DAPK1: variants seen among roughly 807,000 people sequenced by gnomAD.
The protein encoded by DAPK1 is death-associated protein kinase 1.
Under a neutral mutation model 144.9 loss-of-function variants are expected in DAPK1, and 56 were observed. The ratio of observed to expected loss-of-function variants is 0.39; its 90% CI spans 0.31 to 0.48. The LOEUF (loss-of-function observed/expected upper bound fraction) is 0.48. DAPK1 is among the 20% of genes least tolerant of loss of function. DAPK1 has a pLI of 0.95. For missense variants in DAPK1, 1,454 were observed against 1,875.4 expected (o/e 0.78, Z 4.15); for synonymous variants, 690 against 749.0 (o/e 0.92, Z 1.29).
chr9:87,708,180 C>G lies in DAPK1; in HGVS notation c.*816C>G. On this transcript the variant is annotated 3_prime_UTR_variant, in exon 26 of 26. Coordinates refer to ENST00000408954, the MANE Select transcript of DAPK1 (RefSeq NM_004938.4). ...TGTCAATGTGAACGTCCACATGAAACCTACACACTGTCATGCTTCATCATT... is the reference window on the plus strand; with the variant it reads ...TGTCAATGTGAACGTCCACATGAAAGCTACACACTGTCATGCTTCATCATT... 4.1e-6 allele frequency: 1 copy of G among 241,526 alleles called. No individual in the cohort carries two copies. Among genetic ancestry groups the G allele is most frequent in the South Asian group, 5.4e-5 (1 of 18,390 alleles). The allele number at this position is 241,526 out of a possible 1,614,324, so 15.0% of individuals were successfully genotyped here. A position where few individuals can be genotyped will look rare whatever the true frequency, so the allele number is the denominator to read the frequency against.
chr9:87,570,946 G>A (rs554232252), intron 2 of DAPK1, among the ~76,000 whole-genome samples: 3 of 152,270 alleles, frequency 2.0e-5, no homozygotes, highest in Admixed American at 2.0e-4. Context: ...GAATAAGTAA[G>A]TAAACACCCC....
At chr9:87,612,762 C>G (rs1828972364) in intron 3 of DAPK1, among the ~76,000 whole-genome samples, 1 of 152,198 alleles carries the variant, frequency 6.6e-6, no homozygotes. Flanking sequence ...TCACTCCCTG[C>G]AGATAGCCTG....
chr9:87,608,514 G>A (rs1262848552), intron 3 of DAPK1, among the ~76,000 whole-genome samples: 3 of 152,162 alleles, frequency 2.0e-5, no homozygotes, highest in Non-Finnish European at 4.4e-5. Context: ...TTGCTGGATC[G>A]TGTAGTAAAT....
intron 2 of DAPK1, among the ~76,000 whole-genome samples, chr9:87,550,564 A>G (rs145802634): frequency 1.7e-4 from 26 of 152,362 alleles, no homozygotes; most frequent in African/African-American, 6.3e-4. Context: ...GGTCCTCCTA[A>G]GGACACCCAT....
At chr9:87,617,257 T>A (rs1391864389) in intron 3 of DAPK1, among the ~76,000 whole-genome samples, 1 of 152,366 alleles carries the variant, frequency 6.6e-6, no homozygotes, top group Non-Finnish European at 1.5e-5. Context: ...TTGTTTTTCC[T>A]ATTTTCCACT....
chr9:87,675,206 A>G (rs771900130), intron 19 of DAPK1, among the ~76,000 whole-genome samples: 1 of 152,024 alleles, frequency 6.6e-6, no homozygotes, highest in Non-Finnish European at 1.5e-5. Flanking sequence ...CCTCTACAGA[A>G]AGGGTTGCTG....
chr9:87,690,237 TCC>T (rs1217500827), intron 21 of DAPK1, among the ~76,000 whole-genome samples: 41 of 152,274 alleles, frequency 2.7e-4, no homozygotes, highest in African/African-American at 7.0e-4. Context: ...TTAAATTTAT[TCC>T]TGAGTATTTT....
At chr9:87,521,492 C>A (rs1262607364) in intron 2 of DAPK1, among the ~76,000 whole-genome samples, 1 of 152,174 alleles carries the variant, frequency 6.6e-6, no homozygotes, top group Non-Finnish European at 1.5e-5. Flanking sequence ...CCCATGAGGA[C>A]AAGGTCCAGG....
At chr9:87,658,448 G>T (rs1444878239) in intron 18 of DAPK1, among the ~76,000 whole-genome samples, 1 of 152,082 alleles carries the variant, frequency 6.6e-6, no homozygotes, top group Non-Finnish European at 1.5e-5. Flanking sequence ...CTTCCTAAAT[G>T]CTCCTCTGCC....
chr9:87,524,890 G>GA (rs1336486440), intron 2 of DAPK1, among the ~76,000 whole-genome samples: 2 of 152,152 alleles, frequency 1.3e-5, no homozygotes, highest in Non-Finnish European at 2.9e-5. Context: ...GACTTAGAGG[G>GA]AAAGGGTGGG....
intron 2 of DAPK1, among the ~76,000 whole-genome samples, chr9:87,570,731 G>A (rs1233901958): frequency 6.6e-6 from 1 of 152,130 alleles, no homozygotes; most frequent in South Asian, 2.1e-4. Context: ...TCATTCCAAA[G>A]ATTGAATTGC....
At chr9:87,638,866 T>G (rs1829991350) in intron 4 of DAPK1, among the ~76,000 whole-genome samples, 1 of 152,218 alleles carries the variant, frequency 6.6e-6, no homozygotes, top group Non-Finnish European at 1.5e-5. Flanking sequence ...GAGGGCTTGT[T>G]GCAAATACCT....
intron 2 of DAPK1, among the ~76,000 whole-genome samples, chr9:87,561,491 A>G (rs1587720135): frequency 6.6e-6 from 1 of 151,934 alleles, no homozygotes; most frequent in South Asian, 2.1e-4. Flanking sequence ...GCACCACTGC[A>G]CTCCAGCCTG....
intron 17 of DAPK1, chr9:87,657,804 A>G (rs1830680675): frequency 1.8e-6 from 1 of 547,176 alleles, no homozygotes; most frequent in Non-Finnish European, 3.3e-6. Flanking sequence ...TACTTAAGTT[A>G]TCTTTGAAGT....
Position 87,700,188 on chromosome 9 carries a change from T to C in DAPK1, c.2822T>C (p.Met941Thr). 6.2e-7 allele frequency: 1 copy of C among 1,608,200 alleles called. No individual in the cohort carries two copies. The highest frequency in any genetic ancestry group is 8.5e-7 in the Non-Finnish European group (1 of 1,174,600). The change falls in exon 24 of 26, where the codon ATG (methionine) becomes ACG (threonine). Residue 941 changes from methionine to threonine, a missense_variant. By Grantham distance (81) the Met-to-Thr change is moderately conservative. This residue lies in a region of DAPK1 where 1,025 missense variants were observed against 1,237.9 expected (regional missense o/e 0.83). Transcript: ENST00000408954. ...GCTGGGGCTTCTGGGTCAAAGGACA[T>C]GAAGGTACTTCGAAATCATCTGCAA... is the stretch of plus-strand genomic sequence containing the variant. ...LDAGASGSKD[M>T]KVLRNHLQEI...
chr9:87,629,480 G>A (rs978076099), intron 3 of DAPK1, among the ~76,000 whole-genome samples: 3 of 152,118 alleles, frequency 2.0e-5, no homozygotes, highest in Non-Finnish European at 4.4e-5. Context: ...TGTGGCTCCG[G>A]CAACCTAATA....
At position 87,605,188 on chromosome 9, in the gene DAPK1, TG is replaced by T; in HGVS notation, c.284+16del. ...TGATCTTGGAACTGTGAGTGCCGCC[TG>T]GGCCAGGCTGGGGAGAGGGTGTGGT... is the stretch of plus-strand genomic sequence containing the variant. On this transcript the variant is annotated intron_variant, in intron 3 of 25. Transcript: ENST00000408954. 1.9e-6 allele frequency: 3 copies of T among 1,604,042 alleles called. No individual in the cohort carries two copies. Among genetic ancestry groups the T allele is most frequent in the Non-Finnish European group, 2.6e-6 (3 of 1,171,334 alleles).
At chr9:87,577,783 C>A (rs567103390) in intron 2 of DAPK1, among the ~76,000 whole-genome samples, 1 of 152,042 alleles carries the variant, frequency 6.6e-6, no homozygotes, top group South Asian at 2.1e-4. Flanking sequence ...GGTGACAGAG[C>A]GAGACTCTGT....
intron 2 of DAPK1, among the ~76,000 whole-genome samples, chr9:87,527,965 T>G (rs956635712): frequency 2.6e-5 from 4 of 152,238 alleles, no homozygotes; most frequent in Non-Finnish European, 5.9e-5. Context: ...AATGGAAAAT[T>G]AAATTTCAGA....
Sources: gnomAD v4.1 joint callset for allele counts (sites outside exome capture counted in the v4.1 genomes callset) on GRCh38, gnomAD v4.1.1 for gene constraint, gnomAD v4.1.1 regional missense constraint, MANE v1.5 for transcripts, NCBI Gene and HGNC (gene_info 2026-07-23, HGNC 2026-07-21) for gene names.